Variants in EFCAB5 observed in about 807,000 individuals in gnomAD.
EFCAB5 encodes the protein EF-hand calcium-binding domain-containing protein 5.
EFCAB5 carries 131 observed loss-of-function variants against 167.9 expected under a neutral mutation model. That is an observed-to-expected ratio of 0.78 (90% CI 0.68 to 0.90). EFCAB5 has a LOEUF of 0.90. Ranked by LOEUF, EFCAB5 falls within the 40% of genes least tolerant of loss-of-function variation. The pLI is 0.00. For missense variants in EFCAB5, 1,663 were observed against 1,745.2 expected, an observed-to-expected ratio of 0.95 and a Z score of 0.84; for synonymous variants, 574 against 602.8, an observed-to-expected ratio of 0.95 and a Z score of 0.70.
chr17:29,970,539 T>C (rs1387910558), intron 4 of EFCAB5, among the ~76,000 whole-genome samples: 1 of 151,422 alleles, frequency 6.6e-6, no homozygotes, highest in African/African-American at 2.4e-5. Flanking sequence ...CATCTATTAA[T>C]ACTCTTAGAA....
intron 1 of EFCAB5, chr17:29,929,945 C>A: frequency 6.2e-7 from 1 of 1,601,106 alleles, no homozygotes. Context: ...CACCGAGGCG[C>A]AGGGGCTGGA....
chr17:30,085,881 G>C lies in EFCAB5; in HGVS notation c.3580-1182G>C, dbSNP rs531423672. On this transcript the variant is annotated intron_variant, in intron 18 of 22. Transcript: ENST00000394835. ...AACCCTTGATGTCATGGAGTATAGA[G>C]GCAAGAGGAAATTTCACATTACAAA... 3.9e-5 allele frequency among the ~76,000 whole-genome samples: 6 copies of C among 152,264 alleles called. No homozygotes were observed. The South Asian group carries it at 8.3e-4, about 21-fold the overall frequency.
At chr17:29,973,774 C>A (rs996398460) in intron 4 of EFCAB5, among the ~76,000 whole-genome samples, 4 of 151,074 alleles carry the variant, frequency 2.6e-5, no homozygotes, top group Non-Finnish European at 5.9e-5. Context: ...CCGCGCCTGG[C>A]CTGTATTTCC....
rs144728467 is a variant in EFCAB5 at position 29,970,730 on chromosome 17, G to A, written c.767+1363G>A. 1.9e-3 allele frequency among the ~76,000 whole-genome samples: 284 copies of A among 150,572 alleles called. 1 individual carries two copies. The highest frequency in any genetic ancestry group is 6.5e-3 in the African/African-American group (265 of 40,818). ...CATCTGTAATAATGATGAGTGTTTCGGGGTGTCTTTCCATTTGCTCATCTT... is the reference window on the plus strand; with the variant it reads ...CATCTGTAATAATGATGAGTGTTTCAGGGTGTCTTTCCATTTGCTCATCTT... On this transcript the variant is annotated intron_variant, in intron 4 of 22. Coordinates refer to ENST00000394835, the MANE Select transcript of EFCAB5 (RefSeq NM_198529.4).
At chr17:29,946,858 T>C (rs1177333611) in intron 3 of EFCAB5, among the ~76,000 whole-genome samples, 1 of 152,194 alleles carries the variant, frequency 6.6e-6, no homozygotes, top group African/African-American at 2.4e-5. Context: ...TGCATATGTA[T>C]GTTTATTGCA....
intron 22 of EFCAB5, among the ~76,000 whole-genome samples, chr17:30,097,134 G>A (rs184841623): frequency 3.4e-5 from 5 of 149,216 alleles, no homozygotes; most frequent in African/African-American, 9.9e-5. Flanking sequence ...TCGGCTCACC[G>A]CAACCTCTGC....
intron 19 of EFCAB5, among the ~76,000 whole-genome samples, chr17:30,087,998 G>T (rs1039243370): frequency 1.3e-5 from 2 of 152,180 alleles, no homozygotes; most frequent in African/African-American, 4.8e-5. Flanking sequence ...GGTATGAGAT[G>T]ATGTCTCATT....
At chr17:30,028,240 T>C (rs1054994394) in intron 7 of EFCAB5, among the ~76,000 whole-genome samples, 1 of 152,196 alleles carries the variant, frequency 6.6e-6, no homozygotes, top group African/African-American at 2.4e-5. Flanking sequence ...CAAGTTTAAA[T>C]TTTAAAGAGA....
At chr17:30,078,120 C>A in intron 14 of EFCAB5, 95 bp from the exon 15 acceptor site, 1 of 1,364,256 alleles carries the variant, frequency 7.3e-7, no homozygotes, top group Non-Finnish European at 9.8e-7. Context: ...AGCAGTTGCC[C>A]AGGGCTTCAG....
intron 7 of EFCAB5, among the ~76,000 whole-genome samples, chr17:30,009,385 C>A (rs1297989683): frequency 7.4e-6 from 1 of 134,890 alleles, no homozygotes; most frequent in Non-Finnish European, 1.6e-5. Context: ...AGCAGTCACT[C>A]CCCATTTCCT....
chr17:30,024,366 C>G (rs1022768051), intron 7 of EFCAB5, among the ~76,000 whole-genome samples: 4 of 152,132 alleles, frequency 2.6e-5, no homozygotes, highest in South Asian at 2.1e-4. Flanking sequence ...ACAAAAATAA[C>G]AAGCATTCTT....
chr17:29,941,581 T>C (rs1027759762), upstream of EFCAB5: 3 of 416,510 alleles, frequency 7.2e-6, no homozygotes, highest in African/African-American at 6.2e-5. Flanking sequence ...CTTTGGTCAG[T>C]AGCAACAGTC....
At chr17:30,076,249 T>C (rs2070866114) in intron 14 of EFCAB5, among the ~76,000 whole-genome samples, 1 of 152,186 alleles carries the variant, frequency 6.6e-6, no homozygotes, top group Non-Finnish European at 1.5e-5. Context: ...AAAGAAAGTG[T>C]CTTCTTCCTA....
At position 30,053,594 on chromosome 17, in the gene EFCAB5, G is replaced by A. The variant is rs772638544; in HGVS notation, c.1640G>A (p.Gly547Glu). ...ELYIESVIEP[G>E]THTESTLEQG... ...TACATAGAATCAGTAATAGAACCAGGAACACACACAGAGTCAACTCTAGAA... is the reference window on the plus strand; with the variant it reads ...TACATAGAATCAGTAATAGAACCAGAAACACACACAGAGTCAACTCTAGAA... The change falls in exon 10 of 23, where the codon GGA becomes GAA. Residue 547 changes from glycine to glutamate, a missense_variant. Gly to Glu is a moderately conservative substitution (Grantham distance 98). Transcript: ENST00000394835. 1.2e-5 allele frequency: 20 copies of A among 1,613,776 alleles called. No individual in the cohort carries two copies. Among genetic ancestry groups the A allele is most frequent in the Non-Finnish European group, 1.7e-5 (20 of 1,179,878 alleles).
chr17:30,086,136 C>CA, intron 18 of EFCAB5, among the ~76,000 whole-genome samples: 1 of 152,176 alleles, frequency 6.6e-6, no homozygotes, highest in South Asian at 2.1e-4. Context: ...GCTAAGACTA[C>CA]AGGCATGCCC....
chr17:30,079,475 A>G (rs1053435146), intron 15 of EFCAB5, among the ~76,000 whole-genome samples: 6 of 152,258 alleles, frequency 3.9e-5, no homozygotes, highest in African/African-American at 1.4e-4. Context: ...ATATTGACAC[A>G]TAATATTGTT....
chr17:30,051,366 T>A (rs1457496835), intron 9 of EFCAB5, 149 bp downstream of exon 9: 4 of 603,614 alleles, frequency 6.6e-6, no homozygotes, highest in Non-Finnish European at 8.3e-6. Flanking sequence ...ATGATAACTG[T>A]ATCTAGTTGT....
rs1286899445 is a variant in EFCAB5, at chr17:29,971,555, T to C, written c.767+2188T>C. 3.9e-5 allele frequency among the ~76,000 whole-genome samples: 6 copies of C among 152,332 alleles called. No homozygotes were observed. In the East Asian group the frequency reaches 1.2e-3, roughly 29 times the overall value. Reference sequence around the variant, plus strand: ...TCAATGGGAAAATGTACCTAATTTCTACCTTTCAGAGTGATTTTTAAAAAT... The same window carrying C: ...TCAATGGGAAAATGTACCTAATTTCCACCTTTCAGAGTGATTTTTAAAAAT... On this transcript the variant is annotated intron_variant, in intron 4 of 22. Transcript: ENST00000394835.
Position 29,969,308 on chromosome 17 carries a change from GT to G in EFCAB5, c.710del (p.Leu237Ter), listed in dbSNP as rs758348136. 1 of 1,611,884 alleles carries G rather than the reference GT, an allele frequency of 6.2e-7. No homozygotes were observed. The highest frequency in any genetic ancestry group is 2.2e-5 in the East Asian group (1 of 44,842). ...ACCCAGGAATGTCTGGTTACCAGAG[GT>G]TGATGAAAGAAGTCACAGAAGACCT... is the stretch of plus-strand genomic sequence containing the variant. Reference protein sequence around the residue: ...KDPGMSGYQRLMKEVTEDLKI... With the variant: ...KDPGMSGYQRXMKEVTEDLKI... On this transcript the variant is annotated frameshift_variant, in exon 4 of 23. Transcript: ENST00000394835. LOFTEE classifies it high-confidence loss of function.
Sources: gnomAD v4.1 joint callset for allele counts (sites outside exome capture counted in the v4.1 genomes callset) on GRCh38, gnomAD v4.1.1 for gene constraint, MANE v1.5 for transcripts, NCBI Gene and HGNC (gene_info 2026-07-23, HGNC 2026-07-21) for gene names.